OLFM4: variants seen among roughly 807,000 people sequenced by gnomAD.
The protein encoded by OLFM4 is olfactomedin-4.
A neutral mutation model predicts 25.5 loss-of-function variants in OLFM4; 22 were observed. The ratio of observed to expected loss-of-function variants is 0.86; its 90% confidence interval spans 0.62 to 1.23. The LOEUF (loss-of-function observed/expected upper bound fraction) is 1.23. OLFM4 is among the 50% of genes most tolerant of loss of function. OLFM4 has a pLI of 0.00. For missense variants in OLFM4, 594 were observed against 619.4 expected (o/e 0.96, Z 0.44); for synonymous variants, 255 against 237.7 (o/e 1.07, Z -0.67).
chr13:53,033,786 C>T (rs1954641403), intron 1 of OLFM4, among the ~76,000 whole-genome samples: 2 of 152,088 alleles, frequency 1.3e-5, no homozygotes, highest in African/African-American at 4.8e-5. Context: ...AATGGCCGGG[C>T]GCGGTGGCTC....
At chr13:53,046,372 G>T (rs1486106071) in intron 4 of OLFM4, among the ~76,000 whole-genome samples, 2 of 152,170 alleles carry the variant, frequency 1.3e-5, no homozygotes, top group East Asian at 1.9e-4. Flanking sequence ...TATTTTCAGA[G>T]TACCATGGTG....
At chr13:53,037,958 A>G (rs199980730) in intron 2 of OLFM4, among the ~76,000 whole-genome samples, 1 of 152,298 alleles carries the variant, frequency 6.6e-6, no homozygotes, top group East Asian at 1.9e-4. Flanking sequence ...GCACCCTCAA[A>G]TCAACGCTCA....
At chr13:53,034,283 C>T (rs747837614) in intron 1 of OLFM4, 65 bp from the exon 2 acceptor site, 27 of 1,546,700 alleles carry the variant, frequency 1.7e-5, no homozygotes, top group Non-Finnish European at 2.4e-5. Context: ...CAATTTCTGT[C>T]ACTCCAGTTG....
At chr13:53,037,381 C>T (rs371949804) in intron 2 of OLFM4, among the ~76,000 whole-genome samples, 8 of 151,988 alleles carry the variant, frequency 5.3e-5, no homozygotes, top group African/African-American at 1.5e-4. Context: ...TCCTCATGCA[C>T]GGGAAGGTTG....
chr13:53,040,992 T>C (rs2138236899), intron 2 of OLFM4, among the ~76,000 whole-genome samples: 1 of 152,284 alleles, frequency 6.6e-6, no homozygotes, highest in Non-Finnish European at 1.5e-5. Flanking sequence ...GCTGGTGAGA[T>C]GGCAGAGGAA....
intron 1 of OLFM4, among the ~76,000 whole-genome samples, chr13:53,032,723 TA>T (rs1366948673): frequency 2.9e-5 from 3 of 103,104 alleles, no homozygotes; most frequent in East Asian, 4.2e-4. Flanking sequence ...TACACACACA[TA>T]TTTTTTTTTT....
At chr13:53,041,404 A>G (rs746585103) in intron 2 of OLFM4, among the ~76,000 whole-genome samples, 1 of 152,236 alleles carries the variant, frequency 6.6e-6, no homozygotes, top group Non-Finnish European at 1.5e-5. Context: ...GTTCTCACAT[A>G]TAAATGAGAG....
chr13:53,030,925 C>T (rs1954625729), intron 1 of OLFM4, among the ~76,000 whole-genome samples: 1 of 152,232 alleles, frequency 6.6e-6, no homozygotes, highest in South Asian at 2.1e-4. Context: ...TGGGGATGAT[C>T]AGAATTGTCT....
At position 53,034,076 on chromosome 13, in the gene OLFM4, A is replaced by AAAAAAG. The variant is rs1566315568; in HGVS notation, c.205-271_205-266dup. On this transcript the variant is annotated intron_variant, in intron 1 of 4. Transcript: ENST00000219022. ...CGTCTCAAAAAAAAAAAAAAAAAAA[A>AAAAAAG]AAAAAGCCTCGAGAATGGGGAATCT... Among the ~76,000 whole-genome samples, 52 of 142,256 alleles carry AAAAAAG rather than the reference A, an allele frequency of 3.7e-4. 8 individuals are homozygous for AAAAAAG. The highest frequency in any genetic ancestry group is 4.1e-4 in the Non-Finnish European group (27 of 66,098). 93.3% of individuals were successfully genotyped at this position (142,256 alleles called of 152,430 possible). A position where few individuals can be genotyped will look rare whatever the true frequency, so the allele number is the denominator to read the frequency against.
Position 53,034,507 on chromosome 13 carries a change from A to C in OLFM4, c.357+7A>C. ...TGAGAAAGAACTTTCCAAAGTAAGC[A>C]TTTTCTTTTCAAACAATATCTTGAT... On this transcript the variant is annotated splice_region_variant and intron_variant, in intron 2 of 4. Coordinates refer to ENST00000219022, the MANE Select transcript of OLFM4 (RefSeq NM_006418.5). The C allele has an allele frequency of 6.3e-7, 1 of 1,599,260 alleles. No individual in the cohort carries two copies. The highest frequency in any genetic ancestry group is 8.5e-7 in the Non-Finnish European group (1 of 1,174,326).
At chr13:53,039,123 A>C (rs1351851030) in intron 2 of OLFM4, among the ~76,000 whole-genome samples, 2 of 152,194 alleles carry the variant, frequency 1.3e-5, no homozygotes, top group African/African-American at 4.8e-5. Context: ...TTTAGCAGAG[A>C]TGACAGTTGA....
intron 2 of OLFM4, among the ~76,000 whole-genome samples, chr13:53,034,848 C>T (rs958512490): frequency 1.3e-5 from 2 of 152,184 alleles, no homozygotes; most frequent in African/African-American, 4.8e-5. Context: ...TCTTCTAGGT[C>T]TTTCCTCAAG....
At chr13:53,038,141 G>A (rs139500515) in intron 2 of OLFM4, among the ~76,000 whole-genome samples, 26 of 152,122 alleles carry the variant, frequency 1.7e-4, no homozygotes, top group Admixed American at 1.7e-3. Flanking sequence ...GACACAGGAC[G>A]TGTCTCCTCA....
rs907467580 is a variant in OLFM4 at position 53,029,253 on chromosome 13, G to A, written c.204+213G>A. Among the ~76,000 whole-genome samples, 3 of 152,142 alleles carry A rather than the reference G, an allele frequency of 2.0e-5. No individual in the cohort carries two copies. The South Asian group carries it at 6.2e-4, about 32-fold the overall frequency. On this transcript the variant is annotated intron_variant, in intron 1 of 4. Transcript: ENST00000219022. ...GACGATATCGCAGTTCTCCAGCTGGGACTTTTGGGAATATCTATGCTTTAG... is the reference window on the plus strand; with the variant it reads ...GACGATATCGCAGTTCTCCAGCTGGAACTTTTGGGAATATCTATGCTTTAG...
At chr13:53,039,212 C>G (rs1954675121) in intron 2 of OLFM4, among the ~76,000 whole-genome samples, 1 of 152,200 alleles carries the variant, frequency 6.6e-6, no homozygotes, top group Non-Finnish European at 1.5e-5. Flanking sequence ...TCATTTGTTC[C>G]AAGAGCTGGC....
At chr13:53,029,270 A>G (rs67353875) in intron 1 of OLFM4, among the ~76,000 whole-genome samples, 23,015 of 152,198 alleles carry the variant, frequency 0.15, 2,091 homozygotes, top group African/African-American at 0.26. Context: ...GGGAATATCT[A>G]TGCTTTAGAG....
At chr13:53,033,334 C>T (rs867820982) in intron 1 of OLFM4, among the ~76,000 whole-genome samples, 15 of 152,176 alleles carry the variant, frequency 9.9e-5, no homozygotes, top group South Asian at 2.1e-4. Flanking sequence ...CAAGCTCATA[C>T]GCTATTCACT....
At chr13:53,049,758 A>G (rs577834809) in intron 4 of OLFM4, among the ~76,000 whole-genome samples, 1 of 152,302 alleles carries the variant, frequency 6.6e-6, no homozygotes, top group Admixed American at 6.5e-5. Context: ...AACAGAATGT[A>G]GTTCTCTGTA....
rs376038823 is a variant in OLFM4 at position 53,028,973 on chromosome 13, T to A, written c.137T>A (p.Phe46Tyr). ...SFPGVDSSSS[F>Y]SSSSRSGSSS... ...CCAGGTGTTGACTCCAGCTCCAGCT[T>A]CAGCTCCAGCTCCAGGTCGGGCTCC... The change falls in exon 1 of 5, where the codon TTC becomes TAC. Residue 46 changes from phenylalanine (F) to tyrosine (Y), a missense_variant. Phe to Tyr is a conservative substitution (Grantham distance 22, BLOSUM62 3). Coordinates refer to ENST00000219022, the MANE Select transcript of OLFM4 (RefSeq NM_006418.5). The A allele has an allele frequency of 1.5e-3, 2,422 of 1,614,016 alleles. 54 individuals carry two copies. The South Asian group carries it at 0.025, about 17-fold the overall frequency.
Sources: allele counts gnomAD v4.1 joint callset (sites outside exome capture counted in the v4.1 genomes callset), GRCh38; gene constraint gnomAD v4.1.1; transcripts MANE v1.5; gene names NCBI Gene and HGNC (gene_info 2026-07-23, HGNC 2026-07-21).